CNTNAP4: variants seen among roughly 807,000 people sequenced by gnomAD.
CNTNAP4 encodes the protein contactin associated protein family member 4.
In CNTNAP4, 98 loss-of-function variants were observed where a neutral mutation model predicts 148.4. The observed-to-expected ratio is 0.66, with a 90% CI of 0.56 to 0.78. The LOEUF (loss-of-function observed/expected upper bound fraction) is 0.78. Among genes scored for constraint, CNTNAP4 ranks in the 30% least tolerant of loss-of-function variants. The probability of loss-of-function intolerance (pLI) is 0.00; values close to 1 mark genes in which losing one functional copy is unlikely to be tolerated. For synonymous variants in CNTNAP4, 730 were observed against 565.1 expected (o/e 1.29, Z -4.14); for missense variants, 1,935 against 1,565.6 (o/e 1.24, Z -3.98).
chr16:76,451,154 G>T (rs1033933786), intron 7 of CNTNAP4, among the ~76,000 whole-genome samples: 1 of 152,140 alleles, frequency 6.6e-6, no homozygotes, highest in Non-Finnish European at 1.5e-5. Context: ...AGGACAGACT[G>T]GAACAAACCA....
At chr16:76,403,094 A>ATT (rs796440968) in intron 3 of CNTNAP4, among the ~76,000 whole-genome samples, 6 of 129,874 alleles carry the variant, frequency 4.6e-5, no homozygotes, top group African/African-American at 6.8e-5. Flanking sequence ...GTTGGGTTTT[A>ATT]TTTTTTTTTT....
chr16:76,289,277 A>G (rs1959014603), intron 1 of CNTNAP4, among the ~76,000 whole-genome samples: 1 of 152,072 alleles, frequency 6.6e-6, no homozygotes, highest in African/African-American at 2.4e-5. Flanking sequence ...TAGTACTGAA[A>G]ATTACTCTCC....
intron 4 of CNTNAP4, among the ~76,000 whole-genome samples, chr16:76,432,065 A>G (rs1299895594): frequency 6.6e-6 from 1 of 152,224 alleles, no homozygotes; most frequent in Non-Finnish European, 1.5e-5. Flanking sequence ...ACAGTTAATA[A>G]CAAATGCGTG....
intron 2 of CNTNAP4, among the ~76,000 whole-genome samples, chr16:76,324,287 T>G (rs1209155445): frequency 6.6e-6 from 1 of 152,234 alleles, no homozygotes; most frequent in Non-Finnish European, 1.5e-5. Flanking sequence ...AATTAAACAT[T>G]ATCACTAATA....
At chr16:76,288,562 C>G (rs1226942930) in intron 1 of CNTNAP4, among the ~76,000 whole-genome samples, 1 of 152,180 alleles carries the variant, frequency 6.6e-6, no homozygotes, top group Non-Finnish European at 1.5e-5. Flanking sequence ...TAATCATTCT[C>G]TAGCAGAAAT....
chr16:76,423,630 C>A (rs1287133576), intron 3 of CNTNAP4, among the ~76,000 whole-genome samples: 1 of 152,144 alleles, frequency 6.6e-6, no homozygotes, highest in African/African-American at 2.4e-5. Context: ...ATAGCATGCA[C>A]TGAACTTTTC....
intron 8 of CNTNAP4, among the ~76,000 whole-genome samples, chr16:76,456,364 T>C (rs1011903050): frequency 6.6e-6 from 1 of 152,214 alleles, no homozygotes; most frequent in African/African-American, 2.4e-5. Context: ...TAAATATCTT[T>C]GTAAACCTTA....
intron 2 of CNTNAP4, among the ~76,000 whole-genome samples, chr16:76,340,212 A>G (rs1964354829): frequency 6.6e-6 from 1 of 152,150 alleles, no homozygotes; most frequent in Admixed American, 6.5e-5. Context: ...AGAGGCACGT[A>G]TTAAAGATCT....
At chr16:76,416,846 A>C (rs79599939) in intron 3 of CNTNAP4, among the ~76,000 whole-genome samples, 1,913 of 151,458 alleles carry the variant, frequency 0.013, 46 homozygotes, top group African/African-American at 0.044. Flanking sequence ...CTCTGTTTTT[A>C]ACTTGCCATT....
intron 2 of CNTNAP4, among the ~76,000 whole-genome samples, chr16:76,338,131 T>C (rs534321694): frequency 6.6e-6 from 1 of 152,288 alleles, no homozygotes; most frequent in African/African-American, 2.4e-5. Flanking sequence ...AGAGTATCGA[T>C]TGGGGAAGCG....
At chr16:76,361,298 T>C (rs1311192040) in intron 3 of CNTNAP4, among the ~76,000 whole-genome samples, 1 of 152,160 alleles carries the variant, frequency 6.6e-6, no homozygotes, top group Non-Finnish European at 1.5e-5. Context: ...ACCTCCTCAT[T>C]TCACCCTTTT....
intron 10 of CNTNAP4, chr16:76,469,669 A>G (rs930893195): frequency 6.6e-6 from 1 of 152,238 alleles, no homozygotes; most frequent in Admixed American, 6.5e-5. Flanking sequence ...CTTTCTGTAA[A>G]ATAGAGGACC....
At position 76,423,656 on chromosome 16, in the gene CNTNAP4, T is replaced by C. The variant is rs558160188; in HGVS notation, c.391-3796T>C. On this transcript the variant is annotated intron_variant, in intron 3 of 23. Transcript: ENST00000611870. ...TGAACTTTTCATTTATAAAGTAATATAGCATCATATGCATCATTCACAAAC... is the reference window on the plus strand; with the variant it reads ...TGAACTTTTCATTTATAAAGTAATACAGCATCATATGCATCATTCACAAAC... 6.6e-5 allele frequency among the ~76,000 whole-genome samples: 10 copies of C among 152,310 alleles called. No homozygotes were observed. In the East Asian group the frequency reaches 1.5e-3, roughly 23 times the overall value.
At chr16:76,524,266 A>G (rs921912796) in intron 17 of CNTNAP4, among the ~76,000 whole-genome samples, 4 of 152,180 alleles carry the variant, frequency 2.6e-5, no homozygotes, top group African/African-American at 9.6e-5. Context: ...ATAATAAAGA[A>G]TGTATGAGAA....
intron 15 of CNTNAP4, among the ~76,000 whole-genome samples, chr16:76,515,338 G>A (rs1330371600): frequency 6.6e-6 from 1 of 152,154 alleles, no homozygotes; most frequent in Non-Finnish European, 1.5e-5. Context: ...TTTGAAGATA[G>A]GGCCTTTAAG....
At chr16:76,323,537 G>A (rs1203991549) in intron 2 of CNTNAP4, among the ~76,000 whole-genome samples, 2 of 152,048 alleles carry the variant, frequency 1.3e-5, no homozygotes, top group African/African-American at 4.8e-5. Context: ...TTAAAGTAGT[G>A]GAGAGTTTGC....
intron 4 of CNTNAP4, chr16:76,432,590 A>G (rs1279605641): frequency 6.6e-6 from 1 of 152,238 alleles, no homozygotes; most frequent in Non-Finnish European, 1.5e-5. Flanking sequence ...CAGAAACAAT[A>G]CTACATGTCT....
At chr16:76,464,125 C>A (rs1005060773) in intron 9 of CNTNAP4, among the ~76,000 whole-genome samples, 1 of 152,150 alleles carries the variant, frequency 6.6e-6, no homozygotes, top group Non-Finnish European at 1.5e-5. Flanking sequence ...CTCTGCCCTG[C>A]ACTTCCCAGC....
chr16:76,497,644 A>T (rs1476850764), intron 14 of CNTNAP4, among the ~76,000 whole-genome samples: 2 of 149,552 alleles, frequency 1.3e-5, no homozygotes, highest in Admixed American at 6.7e-5. Flanking sequence ...GAGTTGAACA[A>T]TGAGAACATA....
Sources: allele counts gnomAD v4.1 joint callset (sites outside exome capture counted in the v4.1 genomes callset), GRCh38; gene constraint gnomAD v4.1.1; transcripts MANE v1.5; gene names NCBI Gene and HGNC (gene_info 2026-07-23, HGNC 2026-07-21).